FAT3: variants seen among roughly 807,000 people sequenced by gnomAD.
FAT3 encodes the protein FAT atypical cadherin 3, also known as protocadherin Fat 3.
FAT3 carries 95 observed loss-of-function variants against 310.2 expected under a neutral mutation model. That is an observed-to-expected ratio of 0.31 (90% CI 0.26 to 0.36). The LOEUF (loss-of-function observed/expected upper bound fraction) is 0.36, where lower values mean the gene tolerates loss of function less well. FAT3 is among the 10% of genes least tolerant of loss of function. FAT3 has a pLI of 1.00. For missense variants in FAT3, 5,408 were observed against 5,715.6 expected (o/e 0.95, Z 1.74); for synonymous variants, 2,314 against 2,192.9 (o/e 1.06, Z -1.54).
intron 2 of FAT3, among the ~76,000 whole-genome samples, chr11:92,471,855 A>AAC: frequency 6.7e-6 from 1 of 149,772 alleles, no homozygotes; most frequent in East Asian, 2.0e-4. Flanking sequence ...AGCATAAATA[A>AAC]ATCTCAAAAA....
chr11:92,836,839 C>A lies in FAT3; in HGVS notation c.10224+136C>A, dbSNP rs972959958. The A allele has an allele frequency of 4.0e-6, 4 of 993,854 alleles. No individual in the cohort carries two copies. The East Asian group carries it at 8.1e-5, about 20-fold the overall frequency. 61.6% of individuals were successfully genotyped at this position (993,854 alleles called of 1,614,324 possible). A position where few individuals can be genotyped will look rare whatever the true frequency, so the allele number is the denominator to read the frequency against. On this transcript the variant is annotated intron_variant, in intron 16 of 27. Transcript: ENST00000525166. ...GAGTAAATAAGGATGGGCTAAAATG[C>A]AGCATGAAATATTAGGGTTAGACCT...
intron 2 of FAT3, among the ~76,000 whole-genome samples, chr11:92,517,070 A>C (rs1953510116): frequency 6.6e-6 from 1 of 152,218 alleles, no homozygotes; most frequent in South Asian, 2.1e-4. Context: ...AGAAATTTAT[A>C]GATTCAATGC....
rs1183095004 is a variant in FAT3, at chr11:92,353,430, A to G, written c.1318A>G (p.Lys440Glu). 5.0e-6 allele frequency: 8 copies of G among 1,613,424 alleles called. No homozygotes were observed. Among genetic ancestry groups the G allele is most frequent in the Admixed American group, 1.7e-5 (1 of 59,864 alleles). ...AGCACGGCCACTGAATACTGTTAAG[A>G]AGGAGGTTTATAAACTGGAGGTGAC... is the stretch of plus-strand genomic sequence containing the variant. The part of the protein sequence containing the change: ...VTARPLNTVK[K>E]EVYKLEVTNK... Residue 440 changes from lysine to glutamate, a missense_variant, in exon 2 of 28, where the codon AAG (lysine) becomes GAG (glutamate). This residue lies in a region of FAT3 where 4,588 missense variants were observed against 4,809.8 expected (regional missense o/e 0.95). Transcript: ENST00000525166.
chr11:92,498,930 G>GTCATGGTTAGC (rs1952847413), intron 2 of FAT3: 1 of 152,168 alleles, frequency 6.6e-6, no homozygotes, highest in African/African-American at 2.4e-5. Flanking sequence ...CTTGCTAACC[G>GTCATGGTTAGC]TCATGGTGCT....
At chr11:92,279,831 G>T (rs971355692) in intron 1 of FAT3, among the ~76,000 whole-genome samples, 4 of 152,056 alleles carry the variant, frequency 2.6e-5, no homozygotes, top group African/African-American at 9.7e-5. Context: ...CTCACAAAAA[G>T]GAGGTACTTT....
At chr11:92,467,032 G>A (rs185402125) in intron 2 of FAT3, among the ~76,000 whole-genome samples, 21 of 152,110 alleles carry the variant, frequency 1.4e-4, no homozygotes, top group South Asian at 6.2e-4. Context: ...GAATAGTGCC[G>A]CAATAAACAC....
chr11:92,662,435 G>A (rs909370090), intron 3 of FAT3, among the ~76,000 whole-genome samples: 2 of 152,104 alleles, frequency 1.3e-5, no homozygotes, highest in Non-Finnish European at 2.9e-5. Context: ...TGTTAAAATG[G>A]CTCAGAGGTT....
chr11:92,700,771 T>A (rs978261232), intron 4 of FAT3, among the ~76,000 whole-genome samples: 1 of 152,132 alleles, frequency 6.6e-6, no homozygotes, highest in Non-Finnish European at 1.5e-5. Flanking sequence ...TCAATATCAA[T>A]CTCTCTCTCC....
At chr11:92,814,456 A>G (rs1565619575) in intron 13 of FAT3, among the ~76,000 whole-genome samples, 2 of 152,312 alleles carry the variant, frequency 1.3e-5, no homozygotes, top group South Asian at 2.1e-4. Flanking sequence ...AGATAATTTT[A>G]CACCTATTTT....
intron 1 of FAT3, among the ~76,000 whole-genome samples, chr11:92,310,395 T>G (rs1024076657): frequency 3.3e-5 from 5 of 152,210 alleles, no homozygotes; most frequent in Admixed American, 6.5e-5. Context: ...GCTTCTTGTT[T>G]TCTGTATACT....
chr11:92,749,724 AC>A (rs1281800349), intron 4 of FAT3, among the ~76,000 whole-genome samples: 2 of 152,156 alleles, frequency 1.3e-5, no homozygotes, highest in Non-Finnish European at 2.9e-5. Flanking sequence ...AGCACACATA[AC>A]TGGTGATTTA....
At position 92,291,111 on chromosome 11, in the gene FAT3, A is replaced by G. The variant is rs1356055862; in HGVS notation, c.-17-60985A>G. On this transcript the variant is annotated intron_variant, in intron 1 of 27. Coordinates refer to ENST00000525166, the MANE Select transcript of FAT3 (RefSeq NM_001367949.2). ...CACACACACACACACACACACACAC[A>G]CACACATGCACGCGCGCAGAAGTAG... Among the ~76,000 whole-genome samples, 4 of 151,424 alleles carry G rather than the reference A, an allele frequency of 2.6e-5. No homozygotes were observed. The East Asian group carries it at 7.8e-4, about 30-fold the overall frequency.
At chr11:92,832,370 C>G (rs551431207) in intron 14 of FAT3, among the ~76,000 whole-genome samples, 2 of 152,034 alleles carry the variant, frequency 1.3e-5, no homozygotes, top group South Asian at 4.2e-4. Flanking sequence ...CAGGACTTCA[C>G]TATATCCTGC....
At chr11:92,564,455 A>G (rs1040389816) in intron 3 of FAT3, among the ~76,000 whole-genome samples, 27 of 150,732 alleles carry the variant, frequency 1.8e-4, no homozygotes, top group Non-Finnish European at 3.4e-4. Context: ...TTAACACCCC[A>G]CTGTCAACAT....
intron 2 of FAT3, among the ~76,000 whole-genome samples, chr11:92,461,756 A>C (rs530436424): frequency 5.3e-5 from 8 of 152,314 alleles, no homozygotes; most frequent in Admixed American, 4.6e-4. Flanking sequence ...CAGATGACAT[A>C]CAGTCCTTGA....
At chr11:92,437,369 A>G (rs1264863143) in intron 2 of FAT3, among the ~76,000 whole-genome samples, 1 of 152,222 alleles carries the variant, frequency 6.6e-6, no homozygotes. Flanking sequence ...TGTCAGCAGA[A>G]GAGCCGAATT....
At chr11:92,814,448 A>G (rs903183218) in intron 13 of FAT3, among the ~76,000 whole-genome samples, 1 of 152,210 alleles carries the variant, frequency 6.6e-6, no homozygotes, top group Non-Finnish European at 1.5e-5. Context: ...AGAGGACAAG[A>G]TAATTTTACA....
At position 92,800,214 on chromosome 11, in the gene FAT3, T is replaced by C. The variant is rs1947297158; in HGVS notation, c.7201T>C (p.Ser2401Pro). 1 of 1,613,784 alleles carries C rather than the reference T, an allele frequency of 6.2e-7. No homozygotes were observed. Among genetic ancestry groups the C allele is most frequent in the African/African-American group, 1.3e-5 (1 of 74,884 alleles). The change falls in exon 10 of 28, where the codon TCA becomes CCA. Residue 2401 changes from serine to proline, a missense_variant. This residue lies in a region of FAT3 where 4,588 missense variants were observed against 4,809.8 expected (regional missense o/e 0.95). Coordinates refer to ENST00000525166, the MANE Select transcript of FAT3 (RefSeq NM_001367949.2). Reference sequence around the variant, plus strand: ...AGTTTTTAATCAGCTCATTTATGAGTCATATGTGAGTGAATTAGCCCCCCG... The same window carrying C: ...AGTTTTTAATCAGCTCATTTATGAGCCATATGTGAGTGAATTAGCCCCCCG... ...PPVFNQLIYE[S>P]YVSELAPRGH...
At chr11:92,705,450 A>ATGGTGGTGTGATGGTGG (rs1565526828) in intron 4 of FAT3, among the ~76,000 whole-genome samples, 7 of 48,136 alleles carry the variant, frequency 1.5e-4, no homozygotes, top group African/African-American at 4.1e-4. Context: ...TGGTGGTGTG[A>ATGGTGGTGTGATGGTGG]TGGTGGTGTG....
Sources: gnomAD v4.1 joint callset for allele counts (sites outside exome capture counted in the v4.1 genomes callset) on GRCh38, gnomAD v4.1.1 for gene constraint, gnomAD v4.1.1 regional missense constraint, MANE v1.5 for transcripts, NCBI Gene and HGNC (gene_info 2026-07-23, HGNC 2026-07-21) for gene names.